ENTREP2: variants seen among roughly 807,000 people sequenced by gnomAD.
The protein encoded by ENTREP2 is protein ENTREP2.
At chr15:29,445,958 A>G in the ENTREP2 span, among the ~76,000 whole-genome samples, 1 of 152,216 alleles carries the variant, frequency 6.6e-6, no homozygotes, top group Admixed American at 6.5e-5. Context: ...CTGTATGGGA[A>G]AACATCCCAC....
chr15:29,289,398 C>T, the ENTREP2 span, among the ~76,000 whole-genome samples: 1 of 152,008 alleles, frequency 6.6e-6, no homozygotes. Flanking sequence ...ATGAAAATGA[C>T]TGACAACATC....
the ENTREP2 span, chr15:29,610,735 G>A: frequency 6.7e-6 from 1 of 150,272 alleles, no homozygotes; most frequent in Non-Finnish European, 1.5e-5. Context: ...TCAACACGGT[G>A]CTCTGGACAA....
the ENTREP2 span, among the ~76,000 whole-genome samples, chr15:29,250,333 AG>A: frequency 2.0e-5 from 3 of 152,210 alleles, no homozygotes; most frequent in Non-Finnish European, 4.4e-5. Flanking sequence ...AGGGACACCT[AG>A]GATCAAGTTC....
At chr15:29,252,248 C>T in the ENTREP2 span, 2 of 549,596 alleles carry the variant, frequency 3.6e-6, no homozygotes, top group Middle Eastern at 2.7e-4. Flanking sequence ...TAGAAAACAT[C>T]AGAATGAATT....
the ENTREP2 span, among the ~76,000 whole-genome samples, chr15:29,224,057 T>C: frequency 6.6e-6 from 1 of 152,112 alleles, no homozygotes; most frequent in African/African-American, 2.4e-5. Flanking sequence ...TCACACTGAG[T>C]GTTACAGTTC....
the ENTREP2 span, among the ~76,000 whole-genome samples, chr15:29,507,355 G>A: frequency 2.6e-5 from 4 of 152,196 alleles, no homozygotes; most frequent in African/African-American, 9.6e-5. Context: ...CAATGAGACA[G>A]AAAATTAACA....
chr15:29,653,386 T>A, the ENTREP2 span, among the ~76,000 whole-genome samples: 1 of 152,200 alleles, frequency 6.6e-6, no homozygotes, highest in African/African-American at 2.4e-5. Context: ...TTAAACTGGC[T>A]GACAGTACAC....
At chr15:29,627,678 A>G in the ENTREP2 span, among the ~76,000 whole-genome samples, 1 of 151,924 alleles carries the variant, frequency 6.6e-6, no homozygotes, top group Non-Finnish European at 1.5e-5. Context: ...GGTAACCTCT[A>G]TTCTACTGTC....
At chr15:29,379,792 C>T in the ENTREP2 span, among the ~76,000 whole-genome samples, 7 of 152,014 alleles carry the variant, frequency 4.6e-5, no homozygotes, top group South Asian at 2.1e-4. Context: ...GGGTGGCGCG[C>T]GGGGGTGATT....
At chr15:29,555,128 G>A in the ENTREP2 span, among the ~76,000 whole-genome samples, 1 of 152,250 alleles carries the variant, frequency 6.6e-6, no homozygotes, top group African/African-American at 2.4e-5. Context: ...CTCACAGAGA[G>A]AGAAGGAACC....
At chr15:29,598,687 TTTTCTTTC>T in the ENTREP2 span, among the ~76,000 whole-genome samples, 1 of 122,288 alleles carries the variant, frequency 8.2e-6, no homozygotes, top group Non-Finnish European at 1.9e-5. Context: ...AAAATCTTTT[TTTTCTTTC>T]TTTCTTTTTT....
At chr15:29,146,949 A>C in the ENTREP2 span, among the ~76,000 whole-genome samples, 299 of 151,974 alleles carry the variant, frequency 2.0e-3, 7 homozygotes, top group Admixed American at 0.014. Context: ...AAAAAAAAAA[A>C]CCAAAAAACC....
At chr15:29,212,942 T>C in the ENTREP2 span, among the ~76,000 whole-genome samples, 1 of 152,244 alleles carries the variant, frequency 6.6e-6, no homozygotes, top group Non-Finnish European at 1.5e-5. Flanking sequence ...TTTAAGTCTT[T>C]AATCCATCTT....
chr15:29,125,311 A>G, the ENTREP2 span, among the ~76,000 whole-genome samples: 119 of 152,294 alleles, frequency 7.8e-4, no homozygotes, highest in African/African-American at 2.8e-3. Flanking sequence ...GGGGTGTTTC[A>G]GAAGGTTTGA....
the ENTREP2 span, among the ~76,000 whole-genome samples, chr15:29,669,755 T>C: frequency 6.6e-6 from 1 of 152,178 alleles, no homozygotes. Context: ...AAAAGGAACC[T>C]GGAGAGAGGT....
chr15:29,476,011 C>T, the ENTREP2 span, among the ~76,000 whole-genome samples: 133 of 152,350 alleles, frequency 8.7e-4, 1 homozygote, highest in African/African-American at 3.0e-3. Context: ...GAAAATGTGA[C>T]AGACCTGAAG....
At chr15:29,563,526 G>A in the ENTREP2 span, among the ~76,000 whole-genome samples, 1 of 152,026 alleles carries the variant, frequency 6.6e-6, no homozygotes, top group Non-Finnish European at 1.5e-5. Context: ...CATATCTTTT[G>A]TAGTTTTTAC....
the ENTREP2 span, among the ~76,000 whole-genome samples, chr15:29,438,415 C>T: frequency 6.6e-6 from 1 of 152,178 alleles, no homozygotes; most frequent in African/African-American, 2.4e-5. Flanking sequence ...AGGTCATGTT[C>T]TCTGTGTTCT....
the ENTREP2 span, among the ~76,000 whole-genome samples, chr15:29,432,420 C>T: frequency 6.6e-6 from 1 of 152,324 alleles, no homozygotes. Context: ...TCGTCACCAT[C>T]CTGGCCTGGG....
Sources: allele counts gnomAD v4.1 joint callset (sites outside exome capture counted in the v4.1 genomes callset), GRCh38; gene constraint gnomAD v4.1.1; transcripts MANE v1.5; gene names NCBI Gene and HGNC (gene_info 2026-07-23, HGNC 2026-07-21).